The following EP300 variants were observed in gnomAD, a reference collection of about 807,000 sequenced individuals.
EP300 encodes EP300 lysine acetyltransferase, also known as histone acetyltransferase p300.
EP300 carries 31 observed loss-of-function variants against 264.0 expected under a neutral mutation model. The observed-to-expected ratio is 0.12, with a 90% confidence interval of 0.09 to 0.16. EP300 has a LOEUF of 0.16. Among genes scored for constraint, EP300 ranks in the 10% least tolerant of loss-of-function variants. EP300 has a pLI of 1.00. For synonymous variants in EP300, 1,340 were observed against 1,045.4 expected, an observed-to-expected ratio of 1.28 and a Z score of -5.44; for missense variants, 2,766 against 3,052.9, an observed-to-expected ratio of 0.91 and a Z score of 2.21.
At chr22:41,141,804 G>A (rs2091582365) in intron 10 of EP300, among the ~76,000 whole-genome samples, 1 of 151,892 alleles carries the variant, frequency 6.6e-6, no homozygotes. Context: ...AGCCTTCCGA[G>A]TAGCTGGGAT....
At chr22:41,142,415 A>G (rs1241584208) in intron 10 of EP300, among the ~76,000 whole-genome samples, 1 of 152,152 alleles carries the variant, frequency 6.6e-6, no homozygotes, top group Non-Finnish European at 1.5e-5. Context: ...GTAATGTGTA[A>G]AAAGTTGGGA....
rs1171312157 is a variant in EP300 at position 41,155,133 on chromosome 22, T to G, written c.3261+20T>G. The stretch of plus-strand genomic sequence containing the variant: ...ATCCCTGTAAGTATTTGGTGGTACT[T>G]TTGATTTTATTTTTTAATTTGATAA... On this transcript the variant is annotated intron_variant, in intron 17 of 30. Transcript: ENST00000263253. 6.6e-7 allele frequency: 1 copy of G among 1,507,378 alleles called. No individual in the cohort carries two copies. The highest frequency in any genetic ancestry group is 9.2e-7 in the Non-Finnish European group (1 of 1,082,666). 93.4% of individuals were successfully genotyped at this position (1,507,378 alleles called of 1,614,324 possible). A position where few individuals can be genotyped will look rare whatever the true frequency, so the allele number is the denominator to read the frequency against.
Position 41,168,473 on chromosome 22 carries a change from C to T in EP300, c.3899C>T (p.Thr1300Ile). Residue 1300 changes from threonine (T) to isoleucine (I), a missense_variant, in exon 24 of 31, where the codon ACC (threonine) becomes ATC (isoleucine). Transcript: ENST00000263253. ...GGGTTGCCATCTACCAGACTTGGCA[C>T]CTTTCTAGAGAATCGTGTGAATGAC... ...AKRLPSTRLGTFLENRVNDFL... is the reference protein window; with the variant it reads ...AKRLPSTRLGIFLENRVNDFL... 2 of 1,614,202 alleles carry T rather than the reference C, an allele frequency of 1.2e-6. No homozygotes were observed. The highest frequency in any genetic ancestry group is 1.3e-5 in the African/African-American group (1 of 75,040).
At chr22:41,169,017 A>AT in intron 25 of EP300, 150 bp downstream of exon 25, 11 of 1,135,006 alleles carry the variant, frequency 9.7e-6, no homozygotes, top group Non-Finnish European at 1.4e-5. Flanking sequence ...AGTGAAACAG[A>AT]TTAAAAAGCA....
intron 1 of EP300, among the ~76,000 whole-genome samples, chr22:41,102,953 G>A (rs1173657677): frequency 2.6e-5 from 4 of 152,088 alleles, no homozygotes; most frequent in Admixed American, 1.3e-4. Context: ...GGGTTCAAGC[G>A]ATTCTCATGC....
Position 41,136,162 on chromosome 22 carries a change from A to G in EP300, c.1622+256A>G, listed in dbSNP as rs564311442. On this transcript the variant is annotated intron_variant, in intron 7 of 30. Transcript: ENST00000263253. Reference sequence around the variant, plus strand: ...TGCCTCAGCCTCCTGAGTAGCTGGGATTACAGGAACACACCACCATGCCCA... The same window carrying G: ...TGCCTCAGCCTCCTGAGTAGCTGGGGTTACAGGAACACACCACCATGCCCA... Among the ~76,000 whole-genome samples the G allele has an allele frequency of 9.2e-5, 14 of 152,282 alleles. No individual in the cohort carries two copies. The East Asian group carries it at 1.9e-3, about 21-fold the overall frequency.
intron 1 of EP300, among the ~76,000 whole-genome samples, chr22:41,113,279 C>T (rs1381152368): frequency 6.7e-6 from 1 of 149,048 alleles, no homozygotes; most frequent in African/African-American, 2.5e-5. Flanking sequence ...TGTATGTTTT[C>T]TTCATTTGTA....
intron 2 of EP300, among the ~76,000 whole-genome samples, chr22:41,123,922 T>A (rs1156780450): frequency 6.6e-6 from 1 of 152,216 alleles, no homozygotes; most frequent in Admixed American, 6.5e-5. Flanking sequence ...CCAGGTGAAC[T>A]TAACATAAAT....
rs75348702 is a variant in EP300, at chr22:41,154,582, T to C, written c.3143-413T>C. The stretch of plus-strand genomic sequence containing the variant: ...TTAGTAGAGACGAGGTTTCACCATG[T>C]TGGCCAGGCTGAAACTTCTGACCTC... On this transcript the variant is annotated intron_variant, in intron 16 of 30. Coordinates refer to ENST00000263253, the MANE Select transcript of EP300 (RefSeq NM_001429.4). Among the ~76,000 whole-genome samples, 1,241 of 152,124 alleles carry C rather than the reference T, an allele frequency of 8.2e-3. 123 individuals are homozygous for C. In the East Asian group the frequency reaches 0.22, roughly 27 times the overall value.
chr22:41,169,272 G>T, intron 25 of EP300: 1 of 585,372 alleles, frequency 1.7e-6, no homozygotes, highest in Non-Finnish European at 3.0e-6. Flanking sequence ...TGATTGATGT[G>T]TATGTGCCAG....
In EP300 at chr22:41,172,679, T is replaced by C. The variant is rs748491077; in HGVS notation, c.4617+16T>C. 1.2e-6 allele frequency: 2 copies of C among 1,609,352 alleles called. No individual in the cohort carries two copies. Among genetic ancestry groups the C allele is most frequent in the South Asian group, 2.2e-5 (2 of 90,422 alleles). ...AAGCACAGATGTAAGGGCATTGAGT[T>C]TCCTTTGAAACTTCTATCATGATTC... On this transcript the variant is annotated intron_variant, in intron 28 of 30. Transcript: ENST00000263253.
Position 41,178,730 on chromosome 22 carries a change from T to G in EP300, c.7019T>G (p.Val2340Gly). ...RMQPQPSPHH[V>G]SPQTSSPHPG... ...CAGCCTCAGCCTTCTCCACACCACG[T>G]TTCCCCACAGACAAGTTCCCCACAT... The change falls in exon 31 of 31, where the codon GTT becomes GGT. Residue 2340 changes from valine (V) to glycine (G), a missense_variant. By Grantham distance (109) the Val-to-Gly change is moderately radical. Transcript: ENST00000263253. 6.2e-7 allele frequency: 1 copy of G among 1,613,980 alleles called. No individual in the cohort carries two copies. The highest frequency in any genetic ancestry group is 8.5e-7 in the Non-Finnish European group (1 of 1,179,972).
chr22:41,102,032 T>TC (rs1693106647), intron 1 of EP300, among the ~76,000 whole-genome samples: 1 of 149,818 alleles, frequency 6.7e-6, no homozygotes, highest in Admixed American at 6.6e-5. Context: ...TTCTTTTCTT[T>TC]TTTTTTTTTT....
chr22:41,158,174 T>C (rs997016200), intron 18 of EP300, among the ~76,000 whole-genome samples: 1 of 152,242 alleles, frequency 6.6e-6, no homozygotes, highest in African/African-American at 2.4e-5. Context: ...CCTGCCCAGC[T>C]ATTCCTGTTA....
intron 24 of EP300, 39 bp from the exon 25 acceptor site, chr22:41,168,682 G>T (rs2145763183): frequency 6.2e-7 from 1 of 1,614,226 alleles, no homozygotes; most frequent in Non-Finnish European, 8.5e-7. Context: ...CAGTCTGAAT[G>T]AGTTATGTTG....
In EP300 at chr22:41,131,457, C is replaced by G; in HGVS notation, c.1352C>G (p.Pro451Arg). The G allele has an allele frequency of 6.2e-7, 1 of 1,614,082 alleles. No individual in the cohort carries two copies. The change falls in exon 6 of 31, where the codon CCC becomes CGC. Residue 451 changes from proline to arginine, a missense_variant. Transcript: ENST00000263253. ...SSLGVGQQSA[P>R]NLSTVSQIDP... ...CTAGGGGTGGGTCAACAGTCTGCCC[C>G]CAACCTAAGCACTGTTAGTCAGATT...
intron 19 of EP300, chr22:41,160,432 A>C (rs2059101630): frequency 4.4e-5 from 22 of 497,538 alleles, no homozygotes; most frequent in East Asian, 6.5e-5. Context: ...AAAAAAAAAC[A>C]AAAAAAAACA....
rs761639659 is a variant in EP300 at position 41,178,374 on chromosome 22, ACAG to A, written c.6674_6676del (p.Gln2225del). The A allele has an allele frequency of 1.7e-5, 28 of 1,614,122 alleles. No individual in the cohort carries two copies. The South Asian group carries it at 2.2e-4, about 13-fold the overall frequency. ...AACCCCAAGGAGTTGGCTACCCACC[ACAG>A]CAGCAGCAGCGGATGCAGCATCACA... On this transcript the variant is annotated inframe_deletion, in exon 31 of 31. Transcript: ENST00000263253.
chr22:41,149,849 C>G lies in EP300; in HGVS notation c.2468C>G (p.Pro823Arg), dbSNP rs1257437151. Residue 823 changes from proline to arginine, a missense_variant, in exon 14 of 31, where the codon CCT (proline) becomes CGT (arginine). Transcript: ENST00000263253. ...QGSHIHCPQL[P>R]QPALHQNSPS... ...AGCCACATTCACTGTCCCCAGCTTC[C>G]TCAACCAGCTCTTCATCAGAATTCA... The G allele has an allele frequency of 6.2e-7, 1 of 1,614,130 alleles. No homozygotes were observed. Among genetic ancestry groups the G allele is most frequent in the Admixed American group, 1.7e-5 (1 of 60,014 alleles).
Sources: gnomAD v4.1 joint callset for allele counts (sites outside exome capture counted in the v4.1 genomes callset) on GRCh38, gnomAD v4.1.1 for gene constraint, MANE v1.5 for transcripts, NCBI Gene and HGNC (gene_info 2026-07-23, HGNC 2026-07-21) for gene names.